SOX5: variants seen among roughly 807,000 people sequenced by gnomAD.
SOX5 encodes transcription factor SOX-5.
Under a neutral mutation model 92.0 loss-of-function variants are expected in SOX5, and 9 were observed. That is an observed-to-expected ratio of 0.10 (90% confidence interval 0.06 to 0.17). The LOEUF (loss-of-function observed/expected upper bound fraction) is 0.17, where lower values mean the gene tolerates loss of function less well. Among genes scored for constraint, SOX5 ranks in the 10% least tolerant of loss-of-function variants. The pLI is 1.00. For missense variants in SOX5, 642 were observed against 944.5 expected (o/e 0.68, Z 4.20); for synonymous variants, 344 against 336.3 (o/e 1.02, Z -0.25).
At chr12:23,853,274 T>C (rs1425676598) in intron 2 of SOX5, among the ~76,000 whole-genome samples, 2 of 151,316 alleles carry the variant, frequency 1.3e-5, no homozygotes, top group African/African-American at 2.4e-5. Flanking sequence ...ATTCACAAAA[T>C]TGAATTGTGA....
At chr12:23,998,803 CA>C (rs34135570) in intron 4 of SOX5, among the ~76,000 whole-genome samples, 868 of 68,058 alleles carry the variant, frequency 0.013, 1 homozygote, top group African/African-American at 0.051. Context: ...GACTCAGTCT[CA>C]AAAAAAAAAA....
intron 1 of SOX5, among the ~76,000 whole-genome samples, chr12:24,509,562 G>A (rs1202332998): frequency 6.6e-6 from 1 of 152,030 alleles, no homozygotes; most frequent in African/African-American, 2.4e-5. Context: ...TTTTGGGGGG[G>A]AATAAAAAGC....
At chr12:23,676,208 AT>A (rs887809488) in intron 6 of SOX5, among the ~76,000 whole-genome samples, 69 of 152,258 alleles carry the variant, frequency 4.5e-4, no homozygotes, top group African/African-American at 1.6e-3. Flanking sequence ...TAAAGAGTAG[AT>A]TCTAGGTGCT....
At chr12:23,872,491 G>A (rs562417091) in intron 2 of SOX5, among the ~76,000 whole-genome samples, 2 of 152,142 alleles carry the variant, frequency 1.3e-5, no homozygotes, top group South Asian at 4.1e-4. Context: ...TGAAAATGTA[G>A]TCCCTCTTAT....
intron 1 of SOX5, among the ~76,000 whole-genome samples, chr12:24,460,405 A>G (rs1402084837): frequency 6.6e-6 from 1 of 152,200 alleles, no homozygotes; most frequent in Non-Finnish European, 1.5e-5. Flanking sequence ...CTTACACTAG[A>G]AGTAACAAAA....
intron 1 of SOX5, among the ~76,000 whole-genome samples, chr12:24,387,392 G>A (rs1238222292): frequency 1.3e-5 from 2 of 152,166 alleles, no homozygotes; most frequent in Admixed American, 6.5e-5. Context: ...TATCGTTAGT[G>A]TTAGTGTACT....
intron 3 of SOX5, among the ~76,000 whole-genome samples, chr12:24,236,108 C>T (rs368621320): frequency 2.0e-5 from 3 of 152,132 alleles, no homozygotes; most frequent in South Asian, 2.1e-4. Flanking sequence ...AGGAGAATGG[C>T]GTGAACCCGG....
intron 6 of SOX5, among the ~76,000 whole-genome samples, chr12:23,733,287 G>A (rs986412306): frequency 6.6e-6 from 1 of 152,134 alleles, no homozygotes; most frequent in Non-Finnish European, 1.5e-5. Flanking sequence ...ATAAGAAAGT[G>A]CCATAACAAT....
intron 3 of SOX5, among the ~76,000 whole-genome samples, chr12:23,826,959 G>C (rs145884979): frequency 2.5e-3 from 381 of 152,300 alleles, no homozygotes; most frequent in African/African-American, 8.2e-3. Context: ...GCACTGTCCT[G>C]CTATAATAAA....
At chr12:24,067,861 G>C (rs555792788) in intron 4 of SOX5, among the ~76,000 whole-genome samples, 2 of 152,238 alleles carry the variant, frequency 1.3e-5, no homozygotes, top group South Asian at 4.1e-4. Flanking sequence ...AACTTCAAGG[G>C]AGGCCAGGTG....
intron 1 of SOX5, among the ~76,000 whole-genome samples, chr12:24,427,068 G>A (rs1228896602): frequency 6.6e-6 from 1 of 152,132 alleles, no homozygotes; most frequent in Non-Finnish European, 1.5e-5. Context: ...AAGTCTCCTT[G>A]TGGAATGGGT....
chr12:24,249,680 A>G (rs1391726370), intron 3 of SOX5, among the ~76,000 whole-genome samples: 2 of 152,244 alleles, frequency 1.3e-5, no homozygotes, highest in Non-Finnish European at 2.9e-5. Context: ...ATCCCAGGCC[A>G]ACATGCCATT....
chr12:24,498,413 T>G (rs1947861331), intron 1 of SOX5, among the ~76,000 whole-genome samples: 1 of 152,170 alleles, frequency 6.6e-6, no homozygotes. Context: ...ACTGCCTCAG[T>G]GGTAGTAGAC....
chr12:23,886,496 T>C (rs1398848537), intron 2 of SOX5, among the ~76,000 whole-genome samples: 1 of 152,172 alleles, frequency 6.6e-6, no homozygotes, highest in African/African-American at 2.4e-5. Flanking sequence ...GATTTCATTC[T>C]AGTTTCTAGA....
At chr12:23,938,236 G>A (rs376797814) in intron 1 of SOX5, among the ~76,000 whole-genome samples, 2 of 151,088 alleles carry the variant, frequency 1.3e-5, no homozygotes, top group East Asian at 1.9e-4. Context: ...TCAAAAATAA[G>A]GGTTCTGTTT....
Position 24,254,640 on chromosome 12 carries a change from G to T in SOX5, c.-77+22576C>A, listed in dbSNP as rs577377326. On this transcript the variant is annotated intron_variant, in intron 3 of 4. Coordinates refer to the SOX5 transcript ENST00000446891. ...TTTCCATTGAATATGTATCACTTGGGTTATCAAGTGGAAAAATTTTAAGTT... is the reference window on the plus strand; with the variant it reads ...TTTCCATTGAATATGTATCACTTGGTTTATCAAGTGGAAAAATTTTAAGTT... 3.3e-5 allele frequency among the ~76,000 whole-genome samples: 5 copies of T among 151,880 alleles called. No homozygotes were observed. In the East Asian group the frequency reaches 9.7e-4, roughly 29 times the overall value.
At chr12:23,949,525 T>C (rs374897539) in intron 1 of SOX5, 39 bp downstream of exon 1, 11 of 1,610,502 alleles carry the variant, frequency 6.8e-6, no homozygotes, top group Non-Finnish European at 9.3e-6. Context: ...AATGGGAGAG[T>C]TGTACTTCAA....
intron 2 of SOX5, among the ~76,000 whole-genome samples, chr12:24,342,206 C>T (rs868543756): frequency 1.3e-5 from 2 of 152,298 alleles, no homozygotes; most frequent in South Asian, 2.1e-4. Flanking sequence ...CTGTCTGACT[C>T]CATAATACAC....
chr12:23,982,799 GTAA>G (rs143800166), intron 4 of SOX5, among the ~76,000 whole-genome samples: 49 of 151,734 alleles, frequency 3.2e-4, no homozygotes, highest in African/African-American at 4.6e-4. Context: ...ATAATTGATA[GTAA>G]TAATAATATC....
Sources: allele counts gnomAD v4.1 joint callset (sites outside exome capture counted in the v4.1 genomes callset), GRCh38; gene constraint gnomAD v4.1.1; transcripts MANE v1.5; gene names NCBI Gene and HGNC (gene_info 2026-07-23, HGNC 2026-07-21).